Variants in CNTN1 observed in about 807,000 individuals in gnomAD.
CNTN1 encodes the protein contactin 1, also known as contactin-1.
Under a neutral mutation model 126.4 loss-of-function variants are expected in CNTN1, and 38 were observed. The ratio of observed to expected loss-of-function variants is 0.30; its 90% CI spans 0.23 to 0.39. CNTN1 has a LOEUF of 0.39. Ranked by LOEUF, CNTN1 falls within the 10% of genes least tolerant of loss-of-function variation. CNTN1 has a pLI of 1.00. For missense variants in CNTN1, 1,009 were observed against 1,248.4 expected (o/e 0.81, Z 2.89); for synonymous variants, 413 against 422.6 (o/e 0.98, Z 0.28).
chr12:40,773,652 T>TATATATATATATATAA, intron 1 of CNTN1, among the ~76,000 whole-genome samples: 1 of 3,374 alleles, frequency 3.0e-4, no homozygotes, highest in African/African-American at 4.3e-4. Flanking sequence ...TATATATATA[T>TATATATATATATATAA]ATACACATAT....
At chr12:41,039,411 T>C (rs529317864) in intron 23 of CNTN1, among the ~76,000 whole-genome samples, 1 of 152,286 alleles carries the variant, frequency 6.6e-6, no homozygotes, top group East Asian at 1.9e-4. Context: ...GTATGTGAAA[T>C]GGATATGGCA....
chr12:41,039,286 C>T (rs1035277629), intron 23 of CNTN1, among the ~76,000 whole-genome samples: 18 of 152,076 alleles, frequency 1.2e-4, no homozygotes, highest in African/African-American at 4.1e-4. Context: ...GGTGATAGTC[C>T]AAGCAAGAGA....
intron 1 of CNTN1, among the ~76,000 whole-genome samples, chr12:40,852,378 G>T (rs1645000711): frequency 6.6e-6 from 1 of 152,118 alleles, no homozygotes; most frequent in African/African-American, 2.4e-5. Context: ...AGCAATGCTT[G>T]GTTTTAAACT....
At chr12:40,878,762 T>C (rs7295964) in intron 1 of CNTN1, among the ~76,000 whole-genome samples, 72,671 of 152,016 alleles carry the variant, frequency 0.48, 18,222 homozygotes, top group African/African-American at 0.64. Flanking sequence ...TTACATTTTT[T>C]GAGTGACACC....
intron 1 of CNTN1, among the ~76,000 whole-genome samples, chr12:40,736,591 A>G (rs74076704): frequency 0.14 from 21,095 of 152,098 alleles, 1,676 homozygotes; most frequent in African/African-American, 0.21. Flanking sequence ...AAAGCATTAT[A>G]TATGAAGACC....
chr12:40,723,527 G>T (rs575790121), intron 1 of CNTN1, among the ~76,000 whole-genome samples: 1 of 152,168 alleles, frequency 6.6e-6, no homozygotes, highest in South Asian at 2.1e-4. Flanking sequence ...AGCTTTGAAA[G>T]AATATATACT....
intron 23 of CNTN1, among the ~76,000 whole-genome samples, chr12:41,047,574 C>T (rs1160362821): frequency 2.0e-5 from 3 of 151,976 alleles, no homozygotes; most frequent in Non-Finnish European, 4.4e-5. Flanking sequence ...CCATCACCCT[C>T]TCCCACCCAT....
chr12:41,018,720 A>C (rs1436356183), intron 19 of CNTN1, among the ~76,000 whole-genome samples: 1 of 151,172 alleles, frequency 6.6e-6, no homozygotes, highest in Non-Finnish European at 1.5e-5. Context: ...GTGTATGTGT[A>C]TGTGTGTATT....
chr12:40,820,475 A>T (rs961304584), intron 1 of CNTN1, among the ~76,000 whole-genome samples: 1 of 152,062 alleles, frequency 6.6e-6, no homozygotes, highest in Non-Finnish European at 1.5e-5. Context: ...TAGGACCTGG[A>T]GTGTAGGTAA....
intron 1 of CNTN1, among the ~76,000 whole-genome samples, chr12:40,895,562 G>T (rs939274639): frequency 6.6e-6 from 1 of 151,972 alleles, no homozygotes; most frequent in South Asian, 2.1e-4. Context: ...TTCTTGTAGA[G>T]CCACCAGGCC....
At chr12:41,038,792 T>C (rs1011470752) in intron 23 of CNTN1, among the ~76,000 whole-genome samples, 4 of 152,006 alleles carry the variant, frequency 2.6e-5, no homozygotes, top group Non-Finnish European at 5.9e-5. Flanking sequence ...ATAGTGATAG[T>C]ATCTGAAGGT....
chr12:41,037,890 G>T (rs976603781), intron 23 of CNTN1, among the ~76,000 whole-genome samples: 2 of 152,170 alleles, frequency 1.3e-5, no homozygotes, highest in African/African-American at 4.8e-5. Flanking sequence ...AGACATGGTG[G>T]CTCATGCCTA....
intron 17 of CNTN1, among the ~76,000 whole-genome samples, chr12:41,002,485 T>G (rs1948385631): frequency 6.6e-6 from 1 of 152,114 alleles, no homozygotes; most frequent in South Asian, 2.1e-4. Flanking sequence ...CACATTGATT[T>G]TGTATCTTGA....
intron 1 of CNTN1, among the ~76,000 whole-genome samples, chr12:40,749,519 T>C (rs1157337473): frequency 6.6e-6 from 1 of 152,118 alleles, no homozygotes; most frequent in Non-Finnish European, 1.5e-5. Flanking sequence ...AATATTTTTT[T>C]TGTTAATAAC....
intron 6 of CNTN1, among the ~76,000 whole-genome samples, chr12:40,928,815 C>T (rs1410068501): frequency 2.0e-5 from 3 of 152,006 alleles, no homozygotes; most frequent in East Asian, 1.9e-4. Flanking sequence ...TTGCTAGCCA[C>T]GCTGAGTTCC....
At chr12:40,865,956 A>G (rs1488104364) in intron 1 of CNTN1, among the ~76,000 whole-genome samples, 1 of 152,082 alleles carries the variant, frequency 6.6e-6, no homozygotes, top group Non-Finnish European at 1.5e-5. Flanking sequence ...AACGAACATA[A>G]GATGATTTTC....
intron 1 of CNTN1, among the ~76,000 whole-genome samples, chr12:40,782,093 G>A (rs1448630585): frequency 1.3e-5 from 2 of 151,824 alleles, no homozygotes; most frequent in Non-Finnish European, 2.9e-5. Flanking sequence ...ATAGTAATTT[G>A]AGTGAAACCA....
At position 40,973,289 on chromosome 12, in the gene CNTN1, T is replaced by G. The variant is rs543103707; in HGVS notation, c.1805-7620T>G. Among the ~76,000 whole-genome samples the G allele has an allele frequency of 2.2e-4, 33 of 152,182 alleles. No homozygotes were observed. In the East Asian group the frequency reaches 3.3e-3, roughly 15 times the overall value. On this transcript the variant is annotated intron_variant, in intron 15 of 23. Coordinates refer to ENST00000551295, the MANE Select transcript of CNTN1 (RefSeq NM_001843.4). ...CATCAACATGATCAGAAAACATTGATTTATATTTTAAAATAGGATATTGGA... is the reference window on the plus strand; with the variant it reads ...CATCAACATGATCAGAAAACATTGAGTTATATTTTAAAATAGGATATTGGA...
chr12:40,806,067 G>A (rs73114709), intron 1 of CNTN1, among the ~76,000 whole-genome samples: 4,879 of 152,190 alleles, frequency 0.032, 253 homozygotes, highest in African/African-American at 0.11. Flanking sequence ...CTGCACTCCA[G>A]AGGTAGAATG....
Sources: allele counts gnomAD v4.1 joint callset (sites outside exome capture counted in the v4.1 genomes callset), GRCh38; gene constraint gnomAD v4.1.1; transcripts MANE v1.5; gene names NCBI Gene and HGNC (gene_info 2026-07-23, HGNC 2026-07-21).